The following SCAI variants were observed in gnomAD, a reference collection of about 807,000 sequenced individuals.
SCAI encodes protein SCAI.
A neutral mutation model predicts 92.2 loss-of-function variants in SCAI; 24 were observed. That is an observed-to-expected ratio of 0.26 (90% CI 0.19 to 0.37). SCAI has a LOEUF of 0.37. Among genes scored for constraint, SCAI ranks in the 10% least tolerant of loss-of-function variants. The pLI is 1.00. For synonymous variants in SCAI, 261 were observed against 258.6 expected (o/e 1.01, Z -0.09); for missense variants, 450 against 736.2 (o/e 0.61, Z 4.50).
intron 2 of SCAI, among the ~76,000 whole-genome samples, chr9:125,089,644 T>C (rs1834389027): frequency 6.6e-6 from 1 of 152,094 alleles, no homozygotes; most frequent in African/African-American, 2.4e-5. Flanking sequence ...GCACATTAAG[T>C]TTGAGGCAGT....
At chr9:125,136,770 T>G (rs937246102) in intron 2 of SCAI, among the ~76,000 whole-genome samples, 2 of 114,450 alleles carry the variant, frequency 1.7e-5, no homozygotes, top group African/African-American at 1.0e-4. Context: ...CTAATACCAC[T>G]TTTTTTTTTT....
At chr9:125,085,254 A>G (rs1461097526) in intron 2 of SCAI, among the ~76,000 whole-genome samples, 1 of 152,174 alleles carries the variant, frequency 6.6e-6, no homozygotes, top group Non-Finnish European at 1.5e-5. Flanking sequence ...CGGGAGGTTG[A>G]GGTGGGCGGA....
chr9:125,114,640 C>G (rs1355148397), intron 2 of SCAI, among the ~76,000 whole-genome samples: 1 of 152,002 alleles, frequency 6.6e-6, no homozygotes, highest in African/African-American at 2.4e-5. Flanking sequence ...GGGTCTTGCT[C>G]TGTTGCCCAG....
In SCAI at chr9:125,044,841, C is replaced by T. The variant is rs1005748980; in HGVS notation, c.230+11035G>A. ...ATCTCCAAGCTTCTGGGCACCACCA[C>T]CATGTTCCCCTCGTCCAGATGTGGG... On this transcript the variant is annotated intron_variant, in intron 3 of 17. Coordinates refer to ENST00000336505, the MANE Select transcript of SCAI (RefSeq NM_001144877.3). Among the ~76,000 whole-genome samples the T allele has an allele frequency of 3.3e-5, 5 of 152,176 alleles. No homozygotes were observed. The East Asian group carries it at 5.8e-4, about 18-fold the overall frequency.
intron 9 of SCAI, among the ~76,000 whole-genome samples, chr9:125,007,818 AGCTAAGGT>A (rs1832543610): frequency 7.3e-5 from 11 of 151,462 alleles, no homozygotes; most frequent in Admixed American, 7.2e-4. Flanking sequence ...ACCAACATCC[AGCTAAGGT>A]TTGTTTTTTA....
intron 3 of SCAI, among the ~76,000 whole-genome samples, chr9:125,039,078 G>C (rs388704): frequency 6.6e-6 from 1 of 151,934 alleles, no homozygotes; most frequent in South Asian, 2.1e-4. Flanking sequence ...TCTTACATTC[G>C]GCTTAATTTT....
At chr9:124,998,509 A>G (rs1038896820) in intron 13 of SCAI, among the ~76,000 whole-genome samples, 1 of 152,140 alleles carries the variant, frequency 6.6e-6, no homozygotes, top group African/African-American at 2.4e-5. Flanking sequence ...CGGGGAACGG[A>G]GGTATAGGGA....
rs1283512253 is a variant in SCAI at position 124,943,967 on chromosome 9, G to T, written c.*8840C>A. On this transcript the variant is annotated 3_prime_UTR_variant, in exon 18 of 18. Transcript: ENST00000336505. ...CTACACAACGAAGATAACCTATATG[G>T]ATAAGTTATTTTACTTGTAAACTCT... 1 of 152,152 alleles carries T rather than the reference G, an allele frequency of 6.6e-6. No individual in the cohort carries two copies. Among genetic ancestry groups the T allele is most frequent in the East Asian group, 1.9e-4 (1 of 5,198 alleles). 9.4% of individuals were successfully genotyped at this position (152,152 alleles called of 1,614,324 possible).
At chr9:124,984,418 C>T (rs1249049029) in intron 14 of SCAI, among the ~76,000 whole-genome samples, 2 of 152,064 alleles carry the variant, frequency 1.3e-5, no homozygotes, top group East Asian at 1.9e-4. Flanking sequence ...TACAGGAGAG[C>T]GAGGAAGGAG....
At chr9:125,028,911 C>T (rs919628921) in intron 4 of SCAI, among the ~76,000 whole-genome samples, 2 of 152,020 alleles carry the variant, frequency 1.3e-5, no homozygotes, top group African/African-American at 4.8e-5. Context: ...AATTCTGCTG[C>T]CTCAGTCTCC....
chr9:125,022,285 A>G (rs1832884236), intron 6 of SCAI, among the ~76,000 whole-genome samples: 1 of 152,196 alleles, frequency 6.6e-6, no homozygotes, highest in South Asian at 2.1e-4. Flanking sequence ...GTAAACCTCT[A>G]TTCTCAATAA....
chr9:125,135,745 G>C (rs56118607), intron 2 of SCAI, among the ~76,000 whole-genome samples: 1 of 151,902 alleles, frequency 6.6e-6, no homozygotes, highest in African/African-American at 2.4e-5. Flanking sequence ...CAAGGCGGAC[G>C]GATCACCGGA....
chr9:125,033,862 G>A (rs1833133951), intron 3 of SCAI, among the ~76,000 whole-genome samples: 1 of 152,172 alleles, frequency 6.6e-6, no homozygotes. Context: ...AGAGAGGGAG[G>A]CAATCAGTAG....
intron 2 of SCAI, among the ~76,000 whole-genome samples, chr9:125,070,520 C>T (rs900161501): frequency 6.6e-6 from 1 of 151,674 alleles, no homozygotes; most frequent in Non-Finnish European, 1.5e-5. Flanking sequence ...CTGCCTCAGC[C>T]TCCGAGTAGC....
Position 124,962,137 on chromosome 9 carries a change from T to A in SCAI, c.1675-9184A>T, listed in dbSNP as rs1433107898. On this transcript the variant is annotated intron_variant, in intron 17 of 17. Coordinates refer to ENST00000336505, the MANE Select transcript of SCAI (RefSeq NM_001144877.3). ...TATAATGAGTTTGCTTTTTCTCAAA[T>A]CATAATATATGTCTTTTTTTTTTTT... is the stretch of plus-strand genomic sequence containing the variant. 2.1e-5 allele frequency among the ~76,000 whole-genome samples: 3 copies of A among 143,090 alleles called. No homozygotes were observed. In the East Asian group the frequency reaches 6.6e-4, roughly 31 times the overall value. The allele number at this position is 143,090 out of a possible 152,430, so 93.9% of individuals were successfully genotyped here. A position where few individuals can be genotyped will look rare whatever the true frequency, so the allele number is the denominator to read the frequency against.
intron 2 of SCAI, among the ~76,000 whole-genome samples, chr9:125,068,083 G>C (rs1833907126): frequency 6.6e-6 from 1 of 152,228 alleles, no homozygotes. Flanking sequence ...CATAATGGCA[G>C]TGGAAAGGGC....
intron 15 of SCAI, chr9:124,974,425 G>A (rs1831717066): frequency 6.1e-6 from 1 of 163,608 alleles, no homozygotes; most frequent in Admixed American, 6.7e-5. Context: ...TCCAGCCTGA[G>A]TGACAGAGTG....
At position 125,073,140 on chromosome 9, in the gene SCAI, G is replaced by A. The variant is rs596928; in HGVS notation, c.99-17133C>T. On this transcript the variant is annotated intron_variant, in intron 2 of 17. Transcript: ENST00000336505. ...TTTTTTTTGAGACGGAGTCTCGCTC[G>A]GTCGCCCAGGCTGGAGTGCAGTGGC... Among the ~76,000 whole-genome samples the A allele has an allele frequency of 3.9e-4, 46 of 117,532 alleles. 1 individual carries two copies. The South Asian group carries it at 7.1e-3, about 18-fold the overall frequency. 77.1% of individuals were successfully genotyped at this position (117,532 alleles called of 152,430 possible).
At chr9:125,006,552 C>T (rs1224705722) in intron 9 of SCAI, among the ~76,000 whole-genome samples, 4 of 152,170 alleles carry the variant, frequency 2.6e-5, no homozygotes, top group Non-Finnish European at 5.9e-5. Flanking sequence ...AGTGCAGTGG[C>T]GCGATCTCGG....
Sources: allele counts gnomAD v4.1 joint callset (sites outside exome capture counted in the v4.1 genomes callset), GRCh38; gene constraint gnomAD v4.1.1; transcripts MANE v1.5; gene names NCBI Gene and HGNC (gene_info 2026-07-23, HGNC 2026-07-21).